The following CNTNAP5 variants were observed in gnomAD, a reference collection of about 807,000 sequenced individuals.
The protein encoded by CNTNAP5 is contactin associated protein family member 5, also known as contactin-associated protein-like 5.
CNTNAP5 carries 72 observed loss-of-function variants against 150.2 expected under a neutral mutation model. That is an observed-to-expected ratio of 0.48 (90% CI 0.40 to 0.58). CNTNAP5 has a LOEUF of 0.58. CNTNAP5 is among the 20% of genes least tolerant of loss of function. The pLI is 0.00. For missense variants in CNTNAP5, 1,636 were observed against 1,626.2 expected (o/e 1.01, Z -0.10); for synonymous variants, 672 against 619.8 (o/e 1.08, Z -1.25).
intron 14 of CNTNAP5, among the ~76,000 whole-genome samples, chr2:124,747,785 CTTCTTTTTTTTTTTTTT>C (rs1213236669): frequency 2.8e-5 from 3 of 107,936 alleles, no homozygotes; most frequent in African/African-American, 1.1e-4. Flanking sequence ...ACTCCTAACT[CTTCTTTTTTTTTTTTTT>C]TTTTTTTTTT....
In CNTNAP5 at chr2:124,592,375, A is replaced by ATATGTG. The variant is rs1553419710; in HGVS notation, c.1757-17425_1757-17424insATGTGT. On this transcript the variant is annotated intron_variant, in intron 11 of 23. Transcript: ENST00000682447. ...TATATGTATACGTGTGTATATATAT[A>ATATGTG]TGTGTGTGTGTGTGTGTGTATCAAA... is the stretch of plus-strand genomic sequence containing the variant. 8.2e-4 allele frequency among the ~76,000 whole-genome samples: 123 copies of ATATGTG among 149,836 alleles called. No homozygotes were observed. In the East Asian group the frequency reaches 0.019, roughly 24 times the overall value.
At chr2:124,371,903 T>A (rs971884519) in intron 3 of CNTNAP5, among the ~76,000 whole-genome samples, 4 of 152,044 alleles carry the variant, frequency 2.6e-5, no homozygotes, top group Non-Finnish European at 5.9e-5. Context: ...ATGTAATAGT[T>A]AATATTAGAT....
intron 3 of CNTNAP5, among the ~76,000 whole-genome samples, chr2:124,400,695 T>G (rs1691398686): frequency 6.6e-6 from 1 of 151,096 alleles, no homozygotes; most frequent in Non-Finnish European, 1.5e-5. Flanking sequence ...TTTTGTTTTT[T>G]TTCTTTAGTG....
chr2:124,171,160 T>C (rs967206374), intron 1 of CNTNAP5, among the ~76,000 whole-genome samples: 5 of 152,236 alleles, frequency 3.3e-5, no homozygotes, highest in Non-Finnish European at 7.3e-5. Context: ...ATATAAAATG[T>C]TGGCTTTCAT....
At chr2:124,380,955 G>A (rs997128540) in intron 3 of CNTNAP5, among the ~76,000 whole-genome samples, 1 of 152,122 alleles carries the variant, frequency 6.6e-6, no homozygotes, top group Admixed American at 6.6e-5. Context: ...GGAATATGAA[G>A]GACCTGATAT....
At chr2:124,570,833 T>C (rs1696136987) in intron 11 of CNTNAP5, among the ~76,000 whole-genome samples, 1 of 152,206 alleles carries the variant, frequency 6.6e-6, no homozygotes, top group South Asian at 2.1e-4. Flanking sequence ...GGATGACTTT[T>C]AGCTTTTTAA....
chr2:124,328,331 T>C (rs1689270925), intron 3 of CNTNAP5, among the ~76,000 whole-genome samples: 1 of 152,200 alleles, frequency 6.6e-6, no homozygotes, highest in South Asian at 2.1e-4. Flanking sequence ...TTAGCTTCCA[T>C]GCATGAGGCA....
chr2:124,909,832 T>TATATATATATA (rs1276272726), intron 22 of CNTNAP5, among the ~76,000 whole-genome samples: 52 of 127,914 alleles, frequency 4.1e-4, no homozygotes, highest in African/African-American at 1.4e-3. Flanking sequence ...GTGACATATA[T>TATATATATATA]ATATATATAT....
At chr2:124,784,456 T>G (rs767899969) in intron 17 of CNTNAP5, among the ~76,000 whole-genome samples, 1 of 152,130 alleles carries the variant, frequency 6.6e-6, no homozygotes, top group Non-Finnish European at 1.5e-5. Flanking sequence ...TTTTTAAGAG[T>G]TGATTCATAC....
At chr2:124,399,935 G>A (rs916476365) in intron 3 of CNTNAP5, among the ~76,000 whole-genome samples, 1 of 152,102 alleles carries the variant, frequency 6.6e-6, no homozygotes, top group East Asian at 1.9e-4. Context: ...AAACTATAAC[G>A]TCATACCAGT....
chr2:124,728,632 CA>C (rs1680208750), intron 13 of CNTNAP5, among the ~76,000 whole-genome samples: 1 of 151,714 alleles, frequency 6.6e-6, no homozygotes, highest in Non-Finnish European at 1.5e-5. Context: ...ACATTATTTT[CA>C]AAAAAGCCTG....
intron 18 of CNTNAP5, among the ~76,000 whole-genome samples, chr2:124,792,217 G>A (rs1262924719): frequency 1.3e-5 from 2 of 152,080 alleles, no homozygotes; most frequent in African/African-American, 4.8e-5. Flanking sequence ...TTTCATTGGC[G>A]ATTTTTCCGT....
At chr2:124,867,658 C>T (rs563632113) in intron 20 of CNTNAP5, among the ~76,000 whole-genome samples, 1 of 152,110 alleles carries the variant, frequency 6.6e-6, no homozygotes, top group Non-Finnish European at 1.5e-5. Flanking sequence ...AAACTCTACC[C>T]CAAGGAACTC....
chr2:124,426,843 C>T (rs1008215752), intron 4 of CNTNAP5, among the ~76,000 whole-genome samples: 2 of 152,134 alleles, frequency 1.3e-5, no homozygotes, highest in African/African-American at 2.4e-5. Flanking sequence ...AGTGGGAAGT[C>T]GGCCAGTGCT....
chr2:124,858,774 A>G (rs1360068230), intron 19 of CNTNAP5, among the ~76,000 whole-genome samples: 1 of 152,240 alleles, frequency 6.6e-6, no homozygotes, highest in Non-Finnish European at 1.5e-5. Flanking sequence ...CTAACAATGC[A>G]TTTTAAAGAA....
intron 6 of CNTNAP5, among the ~76,000 whole-genome samples, chr2:124,473,149 A>G (rs1332345733): frequency 6.6e-6 from 1 of 152,058 alleles, no homozygotes; most frequent in African/African-American, 2.4e-5. Context: ...CATGAAATTC[A>G]TAGAAATTAA....
chr2:124,710,589 A>G (rs925888981), intron 13 of CNTNAP5, among the ~76,000 whole-genome samples: 3 of 152,102 alleles, frequency 2.0e-5, no homozygotes, highest in African/African-American at 7.2e-5. Context: ...ACAATACACC[A>G]TGTGTGGTGC....
At chr2:124,312,758 G>A (rs1451342453) in intron 3 of CNTNAP5, among the ~76,000 whole-genome samples, 4 of 152,212 alleles carry the variant, frequency 2.6e-5, no homozygotes, top group Non-Finnish European at 5.9e-5. Context: ...TTTTAGTAGA[G>A]ACGGGGTTTC....
rs567827476 is a variant in CNTNAP5 at position 124,305,844 on chromosome 2, A to G, written c.381+63451A>G. On this transcript the variant is annotated intron_variant, in intron 3 of 23. Coordinates refer to ENST00000682447, the MANE Select transcript of CNTNAP5 (RefSeq NM_001367498.1). ...GATATAAATTTCTTTTAAAAAATAA[A>G]TTACCTAATATTTTTATTCTTTTAT... Among the ~76,000 whole-genome samples, 13 of 152,318 alleles carry G rather than the reference A, an allele frequency of 8.5e-5. No homozygotes were observed. In the East Asian group the frequency reaches 2.5e-3, roughly 29 times the overall value.
Sources: allele counts gnomAD v4.1 joint callset (sites outside exome capture counted in the v4.1 genomes callset), GRCh38; gene constraint gnomAD v4.1.1; transcripts MANE v1.5; gene names NCBI Gene and HGNC (gene_info 2026-07-23, HGNC 2026-07-21).